CALCR: variants seen among roughly 807,000 people sequenced by gnomAD.
CALCR encodes the protein calcitonin receptor.
Under a neutral mutation model 59.5 loss-of-function variants are expected in CALCR, and 47 were observed. The observed-to-expected ratio is 0.79, with a 90% CI of 0.63 to 1.01. The LOEUF (loss-of-function observed/expected upper bound fraction) is 1.01, where lower values mean the gene tolerates loss of function less well. Ranked by LOEUF, CALCR falls within the 50% of genes least tolerant of loss-of-function variation. The probability of loss-of-function intolerance (pLI) is 0.00; values close to 1 mark genes in which losing one functional copy is unlikely to be tolerated. For synonymous variants in CALCR, 213 were observed against 211.3 expected, an observed-to-expected ratio of 1.01 and a Z score of -0.07; for missense variants, 566 against 597.1, an observed-to-expected ratio of 0.95 and a Z score of 0.54.
intron 11 of CALCR, among the ~76,000 whole-genome samples, chr7:93,437,116 A>ACAC (rs1799798177): frequency 6.6e-6 from 1 of 152,032 alleles, no homozygotes; most frequent in Non-Finnish European, 1.5e-5. Context: ...CTGTTAATTT[A>ACAC]TGGTCATTCA....
intron 2 of CALCR, among the ~76,000 whole-genome samples, chr7:93,571,345 C>T (rs1398972649): frequency 6.6e-6 from 1 of 152,016 alleles, no homozygotes; most frequent in African/African-American, 2.4e-5. Flanking sequence ...TATCTTCAGG[C>T]TTAGTGCAAT....
At chr7:93,472,583 A>G (rs1800577260) in intron 5 of CALCR, 96 bp from the exon 6 acceptor site, 1 of 718,886 alleles carries the variant, frequency 1.4e-6, no homozygotes, top group Non-Finnish European at 2.5e-6. Context: ...CAACATATTA[A>G]TCACTTTATA....
At position 93,486,957 on chromosome 7, in the gene CALCR, A is replaced by T. The variant is rs753163910; in HGVS notation, c.25T>A (p.Cys9Ser). Residue 9 changes from cysteine to serine, a missense_variant, in exon 3 of 14, where the codon TGC (cysteine) becomes AGC (serine). Cys to Ser is a moderately radical substitution (Grantham distance 112, BLOSUM62 -1). Transcript: ENST00000426151. ...TTTAGAAGAAGAAACAGTGCCAAGC[A>T]CCGGCTTGTAAATGTGAACCTCATT... is the stretch of plus-strand genomic sequence containing the variant. MRFTFTSRCLALFLLLNHP... is the reference protein window; with the variant it reads MRFTFTSRSLALFLLLNHP... 3.7e-6 allele frequency: 6 copies of T among 1,600,284 alleles called. No individual in the cohort carries two copies. The highest frequency in any genetic ancestry group is 1.1e-5 in the South Asian group (1 of 89,746).
intron 2 of CALCR, among the ~76,000 whole-genome samples, chr7:93,568,879 TA>T (rs1377452285): frequency 6.6e-6 from 1 of 152,054 alleles, no homozygotes; most frequent in African/African-American, 2.4e-5. Flanking sequence ...CCAAAGACAT[TA>T]TTTTTTTTTC....
rs1320922985 is a variant in CALCR, at chr7:93,425,233, T to G, written c.*1123A>C. On this transcript the variant is annotated 3_prime_UTR_variant, in exon 14 of 14. Transcript: ENST00000426151. Reference sequence around the variant, plus strand: ...TTATGGTTAAATTTGGAGCAGTTAATTTTTTCCCCTCCTGTTTTGGTAATA... The same window carrying G: ...TTATGGTTAAATTTGGAGCAGTTAAGTTTTTCCCCTCCTGTTTTGGTAATA... The G allele has an allele frequency of 6.6e-6, 1 of 152,632 alleles. No homozygotes were observed. Among genetic ancestry groups the G allele is most frequent in the Non-Finnish European group, 1.5e-5 (1 of 68,028 alleles). The allele number at this position is 152,632 out of a possible 1,614,324, so 9.5% of individuals were successfully genotyped here. A position where few individuals can be genotyped will look rare whatever the true frequency, so the allele number is the denominator to read the frequency against.
chr7:93,531,951 T>A (rs1281890458), intron 2 of CALCR, among the ~76,000 whole-genome samples: 1 of 151,944 alleles, frequency 6.6e-6, no homozygotes, highest in Non-Finnish European at 1.5e-5. Flanking sequence ...AAATTAACAA[T>A]GATCATGAAT....
chr7:93,513,832 AATAAAC>A (rs1801598753), intron 2 of CALCR, among the ~76,000 whole-genome samples: 1 of 151,574 alleles, frequency 6.6e-6, no homozygotes, highest in Non-Finnish European at 1.5e-5. Context: ...TTTATTTACA[AATAAAC>A]ATATAGATAT....
chr7:93,560,632 A>G (rs990694714), intron 2 of CALCR, among the ~76,000 whole-genome samples: 2 of 152,084 alleles, frequency 1.3e-5, no homozygotes, highest in African/African-American at 4.8e-5. Context: ...ATTTTATTTG[A>G]TTTTTCTACT....
chr7:93,568,342 C>A (rs1789913549), intron 2 of CALCR, among the ~76,000 whole-genome samples: 1 of 152,070 alleles, frequency 6.6e-6, no homozygotes, highest in Non-Finnish European at 1.5e-5. Flanking sequence ...CAATCAGTGT[C>A]TCCATTTCCT....
At position 93,482,886 on chromosome 7, in the gene CALCR, T is replaced by C. The variant is rs768080411; in HGVS notation, c.52-3379A>G. 7.5e-6 allele frequency: 4 copies of C among 531,704 alleles called. No individual in the cohort carries two copies. The African/African-American group carries it at 7.7e-5, about 10-fold the overall frequency. 32.9% of individuals were successfully genotyped at this position (531,704 alleles called of 1,614,324 possible). On this transcript the variant is annotated intron_variant, in intron 3 of 13. Transcript: ENST00000426151. ...AGAACCTCTGTTGTCAGATGAGCAG[T>C]AATAATCTGCATCAGTTCCTGGTCT...
chr7:93,509,219 T>G (rs904540965), intron 2 of CALCR, among the ~76,000 whole-genome samples: 1 of 152,130 alleles, frequency 6.6e-6, no homozygotes, highest in African/African-American at 2.4e-5. Flanking sequence ...TTCTTTAAAT[T>G]GCCCCCAACA....
intron 2 of CALCR, among the ~76,000 whole-genome samples, chr7:93,545,873 G>C (rs1789272541): frequency 1.3e-5 from 2 of 152,026 alleles, no homozygotes; most frequent in South Asian, 4.1e-4. Flanking sequence ...TGGACAAAGT[G>C]AGTTTTCTCT....
intron 9 of CALCR, among the ~76,000 whole-genome samples, chr7:93,440,967 A>C (rs1450631250): frequency 1.3e-5 from 2 of 152,028 alleles, no homozygotes; most frequent in African/African-American, 4.8e-5. Context: ...CAATTTACTT[A>C]TTATTATTGC....
At chr7:93,537,559 A>T (rs927646413) in intron 2 of CALCR, among the ~76,000 whole-genome samples, 1 of 151,834 alleles carries the variant, frequency 6.6e-6, no homozygotes. Context: ...TTTAGCCCTT[A>T]GTAATTAGCT....
At chr7:93,472,173 G>A (rs1171444233) in intron 6 of CALCR, among the ~76,000 whole-genome samples, 4 of 151,712 alleles carry the variant, frequency 2.6e-5, no homozygotes, top group African/African-American at 9.7e-5. Context: ...ATTGACTCTT[G>A]ACTCTGAGTG....
intron 13 of CALCR, among the ~76,000 whole-genome samples, chr7:93,431,452 C>T (rs993423944): frequency 6.6e-5 from 10 of 152,002 alleles, no homozygotes; most frequent in African/African-American, 9.7e-5. Flanking sequence ...GGTGGCTTGG[C>T]GGAAAGAACT....
At chr7:93,480,417 C>A (rs1379917995) in intron 3 of CALCR, among the ~76,000 whole-genome samples, 1 of 151,660 alleles carries the variant, frequency 6.6e-6, no homozygotes, top group Non-Finnish European at 1.5e-5. Context: ...AAAACATCAG[C>A]CTGCACTGAC....
intron 3 of CALCR, among the ~76,000 whole-genome samples, chr7:93,484,431 A>G (rs1800875886): frequency 6.6e-6 from 1 of 151,798 alleles, no homozygotes; most frequent in Non-Finnish European, 1.5e-5. Flanking sequence ...ATTGATTGCC[A>G]CATGCAAAAC....
chr7:93,457,142 G>A (rs1038887807), intron 8 of CALCR, among the ~76,000 whole-genome samples: 3 of 152,126 alleles, frequency 2.0e-5, no homozygotes, highest in Non-Finnish European at 2.9e-5. Context: ...ACTGCCAAGA[G>A]CAATTAATAG....
Sources: gnomAD v4.1 joint callset for allele counts (sites outside exome capture counted in the v4.1 genomes callset) on GRCh38, gnomAD v4.1.1 for gene constraint, MANE v1.5 for transcripts, NCBI Gene and HGNC (gene_info 2026-07-23, HGNC 2026-07-21) for gene names.